FOXK1: variants seen among roughly 807,000 people sequenced by gnomAD.
FOXK1 encodes forkhead box K1.
Under a neutral mutation model 51.9 loss-of-function variants are expected in FOXK1, and 19 were observed. That is an observed-to-expected ratio of 0.37 (90% CI 0.26 to 0.54). The LOEUF is 0.54. Ranked by LOEUF, FOXK1 falls within the 20% of genes least tolerant of loss-of-function variation. The pLI is 0.87. For synonymous variants in FOXK1, 537 were observed against 482.6 expected, an observed-to-expected ratio of 1.11 and a Z score of -1.48; for missense variants, 870 against 1,032.7, an observed-to-expected ratio of 0.84 and a Z score of 2.16.
intron 1 of FOXK1, among the ~76,000 whole-genome samples, chr7:4,739,112 T>A (rs1031972570): frequency 2.0e-5 from 3 of 152,168 alleles, no homozygotes; most frequent in Non-Finnish European, 2.9e-5. Context: ...TTTACGTAGA[T>A]TGACTATTTA....
chr7:4,759,451 C>G lies in FOXK1; in HGVS notation c.1552C>G (p.Gln518Glu), dbSNP rs771636338. The G allele has an allele frequency of 8.2e-6, 13 of 1,592,464 alleles. No homozygotes were observed. Among genetic ancestry groups the G allele is most frequent in the Non-Finnish European group, 1.0e-5 (12 of 1,174,232 alleles). Residue 518 changes from glutamine to glutamate, a missense_variant, in exon 7 of 9, where the codon CAG becomes GAG. Physicochemically the swap from Gln to Glu is conservative, Grantham distance 29 (BLOSUM62 2). Transcript: ENST00000328914. Reference sequence around the variant, plus strand: ...GGGCCACGCCATCCACGTCGTGCAGCAGGCCCCCACCGTCACCATGGTCAG... The same window carrying G: ...GGGCCACGCCATCCACGTCGTGCAGGAGGCCCCCACCGTCACCATGGTCAG... ...PAGHAIHVVQ[Q>E]APTVTMVRVV...
At chr7:4,692,786 G>T (rs1779908829) in intron 1 of FOXK1, among the ~76,000 whole-genome samples, 1 of 151,706 alleles carries the variant, frequency 6.6e-6, no homozygotes, top group Admixed American at 6.6e-5. Flanking sequence ...GAGTGCAGTG[G>T]TGCAATCATA....
rs746411373 is a variant in FOXK1, at chr7:4,711,664, C to T, written c.560+28796C>T. ...AATTACTAAGGGCGTCATACCCTCT[C>T]GTATCTGCATCACCCATAAGGGGTG... On this transcript the variant is annotated intron_variant, in intron 1 of 8. Coordinates refer to ENST00000328914, the MANE Select transcript of FOXK1 (RefSeq NM_001037165.2). The surrounding 1 kb of genome is among the most constrained non-coding windows in gnomAD (Gnocchi z 6.3). 2.9e-4 allele frequency among the ~76,000 whole-genome samples: 44 copies of T among 152,198 alleles called. No homozygotes were observed. Among genetic ancestry groups the T allele is most frequent in the Non-Finnish European group, 5.4e-4 (37 of 68,032 alleles).
At chr7:4,754,681 G>A (rs999961312) in intron 3 of FOXK1, 66 bp downstream of exon 3, 39 of 1,532,438 alleles carry the variant, frequency 2.5e-5, no homozygotes, top group East Asian at 2.2e-4. Context: ...GACCCGGCGC[G>A]GGCGGCACAG....
In FOXK1 at chr7:4,770,227, CAA is replaced by C. The variant is rs371244493; in HGVS notation, c.*7764_*7765del. The C allele has an allele frequency of 1.9e-4, 29 of 151,734 alleles. No individual in the cohort carries two copies. The highest frequency in any genetic ancestry group is 6.5e-4 in the African/African-American group (27 of 41,364). The allele number at this position is 151,734 out of a possible 1,614,324, so 9.4% of individuals were successfully genotyped here. ...CAGATTTTTTTTTTTTAATCAGTAACAATGGGAATTTAAAATCAAATATTTGG... is the reference window on the plus strand; with the variant it reads ...CAGATTTTTTTTTTTTAATCAGTAACTGGGAATTTAAAATCAAATATTTGG... On this transcript the variant is annotated 3_prime_UTR_variant, in exon 9 of 9. Transcript: ENST00000328914.
rs987654287 is a variant in FOXK1, at chr7:4,730,575, C to T, written c.561-10263C>T. ...TCAGGGACCTTGCCGACCCAGCCCC[C>T]GCCCCGCCTTCAAGTTTGTGCCTTA... On this transcript the variant is annotated intron_variant, in intron 1 of 8. Coordinates refer to ENST00000328914, the MANE Select transcript of FOXK1 (RefSeq NM_001037165.2). This position sits in a 1 kb window ranked among gnomAD's most constrained non-coding sequence, Gnocchi z 4.7. 8.5e-5 allele frequency among the ~76,000 whole-genome samples: 13 copies of T among 152,164 alleles called. No homozygotes were observed. The highest frequency in any genetic ancestry group is 4.1e-4 in the South Asian group (2 of 4,828).
chr7:4,701,310 G>T (rs1429993063), intron 1 of FOXK1, among the ~76,000 whole-genome samples: 2 of 152,202 alleles, frequency 1.3e-5, no homozygotes, highest in African/African-American at 2.4e-5. Flanking sequence ...AGTAACGTTT[G>T]TTGGGTACAG....
At chr7:4,728,153 G>GC (rs1225120475) in intron 1 of FOXK1, among the ~76,000 whole-genome samples, 1 of 152,182 alleles carries the variant, frequency 6.6e-6, no homozygotes, top group African/African-American at 2.4e-5. Flanking sequence ...TCTGTTGGCA[G>GC]CCCCCCGCCT....
At chr7:4,736,851 G>A (rs1027076868) in intron 1 of FOXK1, among the ~76,000 whole-genome samples, 3 of 152,174 alleles carry the variant, frequency 2.0e-5, no homozygotes, top group Non-Finnish European at 4.4e-5. Context: ...TTTTGGTGGC[G>A]TTCACCTTTG....
intron 1 of FOXK1, among the ~76,000 whole-genome samples, chr7:4,684,748 A>G (rs1261190475): frequency 1.3e-5 from 2 of 152,142 alleles, no homozygotes; most frequent in Non-Finnish European, 2.9e-5. Flanking sequence ...TCTTGTTTTC[A>G]GGTTTCCTGC....
chr7:4,769,737 G>A lies in FOXK1; in HGVS notation c.*7273G>A, dbSNP rs1409979834. On this transcript the variant is annotated 3_prime_UTR_variant, in exon 9 of 9. Transcript: ENST00000328914. This position sits in a 1 kb window ranked among gnomAD's most constrained non-coding sequence, Gnocchi z 4.1. Reference sequence around the variant, plus strand: ...ATTATAGGCATGAGCCACCGCGCCTGGCCTCTGTCACTTTTTTTGCTCCTT... The same window carrying A: ...ATTATAGGCATGAGCCACCGCGCCTAGCCTCTGTCACTTTTTTTGCTCCTT... 1 of 152,332 alleles carries A rather than the reference G, an allele frequency of 6.6e-6. No homozygotes were observed. The highest frequency in any genetic ancestry group is 3.4e-3 in the Middle Eastern group (1 of 294). The allele number at this position is 152,332 out of a possible 1,614,324, so 9.4% of individuals were successfully genotyped here. A position where few individuals can be genotyped will look rare whatever the true frequency, so the allele number is the denominator to read the frequency against.
In FOXK1 at chr7:4,759,405, C is replaced by T. The variant is rs374666686; in HGVS notation, c.1506C>T (p.Ile502=). Residue 502 remains isoleucine, a synonymous_variant, in exon 7 of 9, where the codon ATC becomes ATT. Transcript: ENST00000328914. The part of the protein sequence containing the change: ...AKPVAYMPAS[I]VTSQQPAGHA... ...CCGTGGCCTACATGCCCGCCTCCAT[C>T]GTAACCTCACAGCAGCCCGCGGGCC... The T allele has an allele frequency of 1.7e-5, 28 of 1,601,232 alleles. No homozygotes were observed. The highest frequency in any genetic ancestry group is 2.3e-5 in the Non-Finnish European group (27 of 1,178,468).
rs1781014368 is a variant in FOXK1 at position 4,766,638 on chromosome 7, G to C, written c.*4174G>C. The C allele has an allele frequency of 6.6e-6, 1 of 152,292 alleles. No individual in the cohort carries two copies. Among genetic ancestry groups the C allele is most frequent in the South Asian group, 2.1e-4 (1 of 4,834 alleles). 9.4% of individuals were successfully genotyped at this position (152,292 alleles called of 1,614,324 possible). Reference sequence around the variant, plus strand: ...GGGAGGAGATGGATTCGGTGGAGTTGGGCCAGGACGGGGGCTTCACCCTGC... The same window carrying C: ...GGGAGGAGATGGATTCGGTGGAGTTCGGCCAGGACGGGGGCTTCACCCTGC... On this transcript the variant is annotated 3_prime_UTR_variant, in exon 9 of 9. Coordinates refer to ENST00000328914, the MANE Select transcript of FOXK1 (RefSeq NM_001037165.2). This position sits in a 1 kb window ranked among gnomAD's most constrained non-coding sequence, Gnocchi z 5.5.
rs1227395710 is a variant in FOXK1 at position 4,711,352 on chromosome 7, G to A, written c.560+28484G>A. The stretch of plus-strand genomic sequence containing the variant: ...TAATAAACACGCCCAGAGTGGAAGG[G>A]CTTCCTGTGAGAGGGTGTGGCAGTC... On this transcript the variant is annotated intron_variant, in intron 1 of 8. Transcript: ENST00000328914. The surrounding 1 kb of genome is among the most constrained non-coding windows in gnomAD (Gnocchi z 6.3). Among the ~76,000 whole-genome samples, 4 of 152,192 alleles carry A rather than the reference G, an allele frequency of 2.6e-5. No homozygotes were observed. The highest frequency in any genetic ancestry group is 5.9e-5 in the Non-Finnish European group (4 of 68,026).
At chr7:4,696,992 C>T (rs1260655725) in intron 1 of FOXK1, among the ~76,000 whole-genome samples, 5 of 152,110 alleles carry the variant, frequency 3.3e-5, no homozygotes, top group African/African-American at 7.2e-5. Flanking sequence ...CCCTTGAACC[C>T]GGGAGGCGGA....
At chr7:4,719,126 TTTTTGTTTG>T (rs1013442604) in intron 1 of FOXK1, among the ~76,000 whole-genome samples, 4 of 136,748 alleles carry the variant, frequency 2.9e-5, no homozygotes, top group African/African-American at 1.1e-4. Context: ...TTTTGTTTTT[TTTTTGTTTG>T]TTTTGTTTGT....
chr7:4,760,989 C>A (rs1780923991), intron 7 of FOXK1, 75 bp from the exon 8 acceptor site: 8 of 1,432,458 alleles, frequency 5.6e-6, no homozygotes, highest in Non-Finnish European at 7.8e-6. Flanking sequence ...ACTTGTCCGA[C>A]CTGCTGCCCA....
rs774493121 is a variant in FOXK1 at position 4,747,325 on chromosome 7, G to A, written c.746+6302G>A. On this transcript the variant is annotated intron_variant, in intron 2 of 8. Transcript: ENST00000328914. The surrounding 1 kb of genome is among the most constrained non-coding windows in gnomAD (Gnocchi z 9.2). ...CGCCTGCAGACACGGAGCTGACCCC[G>A]GAACCTGCCTAGCTGCGGGGCCGCC... 3.1e-4 allele frequency among the ~76,000 whole-genome samples: 47 copies of A among 152,098 alleles called. No individual in the cohort carries two copies. Among genetic ancestry groups the A allele is most frequent in the Admixed American group, 3.9e-4 (6 of 15,272 alleles).
chr7:4,745,490 T>TC lies in FOXK1; in HGVS notation c.746+4467_746+4468insC, dbSNP rs1780691524. On this transcript the variant is annotated intron_variant, in intron 2 of 8. Transcript: ENST00000328914. The surrounding 1 kb of genome is among the most constrained non-coding windows in gnomAD (Gnocchi z 4.3). ...TGTGGTTTTGTGTGTGTGTGTGTGTTTCTGATTTATTTTTTTCTGCCCTGA... is the reference window on the plus strand; with the variant it reads ...TGTGGTTTTGTGTGTGTGTGTGTGTTCTCTGATTTATTTTTTTCTGCCCTGA... Among the ~76,000 whole-genome samples, 1 of 141,540 alleles carries TC rather than the reference T, an allele frequency of 7.1e-6. No homozygotes were observed. The highest frequency in any genetic ancestry group is 1.6e-5 in the Non-Finnish European group (1 of 64,020). 92.9% of individuals were successfully genotyped at this position (141,540 alleles called of 152,430 possible).
Sources: gnomAD v4.1 joint callset for allele counts (sites outside exome capture counted in the v4.1 genomes callset) on GRCh38, gnomAD v4.1.1 for gene constraint, Gnocchi (gnomAD v3.1) non-coding constraint, MANE v1.5 for transcripts, NCBI Gene and HGNC (gene_info 2026-07-23, HGNC 2026-07-21) for gene names.